ETV6: variants seen among roughly 807,000 people sequenced by gnomAD.
The protein encoded by ETV6 is transcription factor ETV6.
A neutral mutation model predicts 51.1 loss-of-function variants in ETV6; 16 were observed. The observed-to-expected ratio is 0.31, with a 90% confidence interval of 0.21 to 0.48. ETV6 has a LOEUF of 0.48. ETV6 is among the 20% of genes least tolerant of loss of function. The pLI is 0.99. For missense variants in ETV6, 458 were observed against 594.8 expected (o/e 0.77, Z 2.39); for synonymous variants, 240 against 224.1 (o/e 1.07, Z -0.64).
Position 11,891,611 on chromosome 12 carries a change from A to C in ETV6, c.*565A>C, listed in dbSNP as rs770962718. The C allele has an allele frequency of 5.7e-6, 3 of 526,868 alleles. No homozygotes were observed. The Admixed American group carries it at 6.9e-5, about 12-fold the overall frequency. The allele number at this position is 526,868 out of a possible 1,614,324, so 32.6% of individuals were successfully genotyped here. ...GTTGGGTCTTGGCTGAAAAAAAAAA[A>C]TGCTTTTAAAAAAGATAAAATGAAA... On this transcript the variant is annotated 3_prime_UTR_variant, in exon 8 of 8. Coordinates refer to ENST00000396373, the MANE Select transcript of ETV6 (RefSeq NM_001987.5).
At chr12:11,751,965 CACTTT>C (rs1866039078) in intron 1 of ETV6, 1 of 363,444 alleles carries the variant, frequency 2.8e-6, no homozygotes, top group African/African-American at 2.1e-5. Flanking sequence ...TTGAAGCTGT[CACTTT>C]ACTTGATCAG....
intron 2 of ETV6, among the ~76,000 whole-genome samples, chr12:11,775,582 A>T (rs79871074): frequency 0.035 from 5,296 of 152,248 alleles, 102 homozygotes; most frequent in Middle Eastern, 0.099. Context: ...TTTTCTTGTT[A>T]ATCCGTGGAA....
chr12:11,700,706 G>A (rs1029021706), intron 1 of ETV6, among the ~76,000 whole-genome samples: 1 of 152,172 alleles, frequency 6.6e-6, no homozygotes, highest in Non-Finnish European at 1.5e-5. Flanking sequence ...TTAAGTGGAA[G>A]TGGAGCATCA....
chr12:11,680,077 T>C (rs760642172), intron 1 of ETV6, among the ~76,000 whole-genome samples: 4 of 152,224 alleles, frequency 2.6e-5, no homozygotes, highest in Non-Finnish European at 5.9e-5. Flanking sequence ...GTTCTCTGGC[T>C]ATAAGGGCAT....
intron 5 of ETV6, among the ~76,000 whole-genome samples, chr12:11,879,059 C>T (rs1204287501): frequency 6.6e-6 from 1 of 152,144 alleles, no homozygotes; most frequent in Non-Finnish European, 1.5e-5. Flanking sequence ...CACATGCCCC[C>T]AGTTCAGAAC....
At chr12:11,845,506 A>T (rs1242710072) in intron 3 of ETV6, among the ~76,000 whole-genome samples, 1 of 150,730 alleles carries the variant, frequency 6.6e-6, no homozygotes, top group Non-Finnish European at 1.5e-5. Context: ...TAAATATGAT[A>T]CTTAAATTTT....
intron 4 of ETV6, among the ~76,000 whole-genome samples, chr12:11,868,540 C>T (rs1988766): frequency 0.04 from 6,010 of 149,794 alleles, 239 homozygotes; most frequent in Middle Eastern, 0.1. Flanking sequence ...TGGGTTCAAG[C>T]GATTCTCATG....
intron 4 of ETV6, among the ~76,000 whole-genome samples, chr12:11,864,143 C>T (rs1372453571): frequency 4.6e-5 from 7 of 152,176 alleles, no homozygotes; most frequent in African/African-American, 1.2e-4. Flanking sequence ...TGGGCAGGAA[C>T]GGAGAGTGAA....
chr12:11,788,754 T>TG (rs140816632), intron 2 of ETV6, among the ~76,000 whole-genome samples: 1 of 142,114 alleles, frequency 7.0e-6, no homozygotes, highest in African/African-American at 2.7e-5. Flanking sequence ...GTGCTTGTAT[T>TG]GGTTTTTTTT....
At chr12:11,722,284 G>C (rs139766633) in intron 1 of ETV6, among the ~76,000 whole-genome samples, 1 of 152,312 alleles carries the variant, frequency 6.6e-6, no homozygotes, top group South Asian at 2.1e-4. Context: ...CAGTAGAGGT[G>C]CTAATGAACA....
intron 1 of ETV6, among the ~76,000 whole-genome samples, chr12:11,700,209 C>T (rs370544285): frequency 3.3e-5 from 5 of 152,080 alleles, no homozygotes; most frequent in East Asian, 1.9e-4. Flanking sequence ...TGACCCCTCA[C>T]GCAGGAAAAA....
At chr12:11,718,346 T>C (rs1050376283) in intron 1 of ETV6, among the ~76,000 whole-genome samples, 1 of 152,190 alleles carries the variant, frequency 6.6e-6, no homozygotes, top group East Asian at 1.9e-4. Flanking sequence ...TTGAAGTGAC[T>C]GAATGGAGTT....
chr12:11,716,993 G>T (rs1261385815), intron 1 of ETV6, among the ~76,000 whole-genome samples: 1 of 152,146 alleles, frequency 6.6e-6, no homozygotes. Flanking sequence ...AGCATGGTAG[G>T]CAGCAAGCTC....
intron 1 of ETV6, among the ~76,000 whole-genome samples, chr12:11,704,105 C>T (rs941609352): frequency 1.3e-5 from 2 of 152,120 alleles, no homozygotes; most frequent in Non-Finnish European, 2.9e-5. Context: ...CTCATTATTT[C>T]GTCTGTCTCA....
chr12:11,705,499 T>C (rs1008386757), intron 1 of ETV6, among the ~76,000 whole-genome samples: 2 of 152,230 alleles, frequency 1.3e-5, no homozygotes, highest in African/African-American at 4.8e-5. Flanking sequence ...CAAACTGCTT[T>C]GGACTGTTCG....
chr12:11,870,734 G>A (rs899036522), intron 5 of ETV6, among the ~76,000 whole-genome samples: 4 of 152,182 alleles, frequency 2.6e-5, no homozygotes, highest in African/African-American at 9.7e-5. Context: ...TTAGGAGTAG[G>A]GATACAGAGC....
intron 3 of ETV6, chr12:11,840,465 C>G: frequency 2.2e-6 from 1 of 456,064 alleles, no homozygotes; most frequent in Non-Finnish European, 4.4e-6. Flanking sequence ...CTGCAGACCT[C>G]GACTCTGATG....
intron 2 of ETV6, among the ~76,000 whole-genome samples, chr12:11,811,715 C>T (rs1945917265): frequency 6.6e-6 from 1 of 151,994 alleles, no homozygotes; most frequent in Non-Finnish European, 1.5e-5. Context: ...CTGCTAAGGT[C>T]CAGCACTTTT....
rs548312650 is a variant in ETV6, at chr12:11,777,658, T to C, written c.163+25079T>C. The stretch of plus-strand genomic sequence containing the variant: ...AGTAGGATAAATGCACCAGCTGTAC[T>C]GGGCCTTTCCCATTTCCCATGCTGA... On this transcript the variant is annotated intron_variant, in intron 2 of 7. Coordinates refer to ENST00000396373, the MANE Select transcript of ETV6 (RefSeq NM_001987.5). Among the ~76,000 whole-genome samples the C allele has an allele frequency of 2.6e-5, 4 of 152,294 alleles. No individual in the cohort carries two copies. In the East Asian group the frequency reaches 7.7e-4, roughly 29 times the overall value.
Sources: allele counts gnomAD v4.1 joint callset (sites outside exome capture counted in the v4.1 genomes callset), GRCh38; gene constraint gnomAD v4.1.1; transcripts MANE v1.5; gene names NCBI Gene and HGNC (gene_info 2026-07-23, HGNC 2026-07-21).